The following UTRN variants were observed in gnomAD, a reference collection of about 807,000 sequenced individuals.
UTRN encodes utrophin.
In UTRN, 283 loss-of-function variants were observed where a neutral mutation model predicts 463.9. The observed-to-expected ratio is 0.61, with a 90% confidence interval of 0.55 to 0.67. The LOEUF (loss-of-function observed/expected upper bound fraction) is 0.67. Ranked by LOEUF, UTRN falls within the 30% of genes least tolerant of loss-of-function variation. UTRN has a pLI of 0.00. For missense variants in UTRN, 3,922 were observed against 4,084.3 expected (o/e 0.96, Z 1.08); for synonymous variants, 1,442 against 1,431.5 (o/e 1.01, Z -0.17).
intron 53 of UTRN, among the ~76,000 whole-genome samples, chr6:144,704,901 G>T (rs1784937012): frequency 6.6e-6 from 1 of 152,156 alleles, no homozygotes; most frequent in Admixed American, 6.5e-5. Flanking sequence ...GGCAGAGGTT[G>T]CAGTGAGCCA....
intron 2 of UTRN, among the ~76,000 whole-genome samples, chr6:144,396,639 ATG>A (rs1202044680): frequency 6.6e-6 from 1 of 152,188 alleles, no homozygotes; most frequent in Non-Finnish European, 1.5e-5. Context: ...GGTAAATTGT[ATG>A]GTAGGTGAGT....
intron 51 of UTRN, among the ~76,000 whole-genome samples, chr6:144,613,689 G>T (rs1218496715): frequency 6.6e-6 from 1 of 151,810 alleles, no homozygotes; most frequent in Non-Finnish European, 1.5e-5. Context: ...TGATTGTGGT[G>T]GTGGTCCCGC....
At chr6:144,596,971 G>T (rs183326395) in intron 51 of UTRN, among the ~76,000 whole-genome samples, 2 of 152,258 alleles carry the variant, frequency 1.3e-5, no homozygotes, top group Non-Finnish European at 2.9e-5. Context: ...AGGCACAGTG[G>T]CTCACACCTG....
At chr6:144,652,632 A>G (rs1353878765) in intron 51 of UTRN, among the ~76,000 whole-genome samples, 4 of 152,218 alleles carry the variant, frequency 2.6e-5, no homozygotes, top group Non-Finnish European at 5.9e-5. Flanking sequence ...GTATCACAGT[A>G]TTAGATGACA....
chr6:144,758,104 A>T (rs573092642), intron 58 of UTRN, 115 bp downstream of exon 58: 225 of 791,954 alleles, frequency 2.8e-4, no homozygotes, highest in Non-Finnish European at 4.0e-4. Context: ...ATTATCTGAA[A>T]GAAACTGTGA....
intron 51 of UTRN, among the ~76,000 whole-genome samples, chr6:144,641,798 CT>C (rs143724931): frequency 0.056 from 8,583 of 152,240 alleles, 342 homozygotes; most frequent in Non-Finnish European, 0.081. Flanking sequence ...GGAAAAAATA[CT>C]CAAGACCCGA....
intron 34 of UTRN, among the ~76,000 whole-genome samples, chr6:144,502,727 A>G (rs560801077): frequency 4.7e-4 from 71 of 152,276 alleles, no homozygotes; most frequent in African/African-American, 1.7e-3. Context: ...ATACGTGGGC[A>G]TGTCTTTAGA....
intron 48 of UTRN, among the ~76,000 whole-genome samples, chr6:144,553,504 A>G (rs944599471): frequency 1.3e-5 from 2 of 152,218 alleles, no homozygotes; most frequent in Non-Finnish European, 2.9e-5. Context: ...ATCTTTCAGC[A>G]GCGTGGTTTT....
intron 2 of UTRN, chr6:144,398,138 GT>G: frequency 4.1e-6 from 1 of 246,362 alleles, no homozygotes; most frequent in Non-Finnish European, 8.5e-6. Flanking sequence ...TCATCACCAC[GT>G]TTTCCCTGTT....
intron 56 of UTRN, among the ~76,000 whole-genome samples, chr6:144,753,495 T>C (rs554658777): frequency 6.6e-6 from 1 of 152,148 alleles, no homozygotes; most frequent in Admixed American, 6.5e-5. Context: ...GGTGTGCGTC[T>C]GTAGTCTTAG....
At chr6:144,354,428 T>C (rs1778376772) in intron 2 of UTRN, among the ~76,000 whole-genome samples, 1 of 152,214 alleles carries the variant, frequency 6.6e-6, no homozygotes. Context: ...TGGTTTTCTG[T>C]GCTGCAGCAT....
At chr6:144,682,949 A>G (rs572486120) in intron 52 of UTRN, among the ~76,000 whole-genome samples, 3 of 151,982 alleles carry the variant, frequency 2.0e-5, no homozygotes, top group African/African-American at 4.8e-5. Context: ...TCTCTACCCT[A>G]TGTTTTTCTC....
At chr6:144,513,414 G>A (rs1471457265) in intron 35 of UTRN, among the ~76,000 whole-genome samples, 1 of 152,092 alleles carries the variant, frequency 6.6e-6, no homozygotes, top group East Asian at 1.9e-4. Context: ...GCTGGGTATG[G>A]TGGTGCAAGC....
chr6:144,732,241 T>TATATATATATATATATAC lies in UTRN; in HGVS notation c.7939+1757_7939+1774dup, dbSNP rs1554359945. On this transcript the variant is annotated intron_variant, in intron 54 of 74. Transcript: ENST00000367545. ...ATATATATATATATATATATATACA[T>TATATATATATATATATAC]ATATATATATATATATACACACATA... Among the ~76,000 whole-genome samples the TATATATATATATATATAC allele has an allele frequency of 5.8e-3, 139 of 23,898 alleles. 1 individual carries two copies. The highest frequency in any genetic ancestry group is 0.044 in the Middle Eastern group (3 of 68). The allele number at this position is 23,898 out of a possible 152,430, so 15.7% of individuals were successfully genotyped here.
At chr6:144,594,551 A>T (rs560459878) in intron 51 of UTRN, among the ~76,000 whole-genome samples, 2 of 152,328 alleles carry the variant, frequency 1.3e-5, no homozygotes, top group East Asian at 3.9e-4. Flanking sequence ...CCTTAGATTT[A>T]AAAATTAGTA....
At chr6:144,332,154 G>A (rs1776379651) in intron 2 of UTRN, among the ~76,000 whole-genome samples, 1 of 152,194 alleles carries the variant, frequency 6.6e-6, no homozygotes, top group Non-Finnish European at 1.5e-5. Flanking sequence ...CCCACCTGAA[G>A]TAGATTTTGT....
At chr6:144,454,098 G>A (rs905469375) in intron 19 of UTRN, among the ~76,000 whole-genome samples, 6 of 152,196 alleles carry the variant, frequency 3.9e-5, no homozygotes, top group Admixed American at 2.0e-4. Context: ...ATATGGGGTC[G>A]GGGCTGGATA....
At chr6:144,410,871 G>T (rs1380409199) in intron 3 of UTRN, among the ~76,000 whole-genome samples, 3 of 151,924 alleles carry the variant, frequency 2.0e-5, no homozygotes, top group Non-Finnish European at 4.4e-5. Context: ...TGGGCATTTG[G>T]GCTGGTTCCA....
At chr6:144,836,765 T>G (rs1022597295) in intron 71 of UTRN, among the ~76,000 whole-genome samples, 7 of 152,266 alleles carry the variant, frequency 4.6e-5, no homozygotes, top group African/African-American at 1.4e-4. Flanking sequence ...TTTCCCAGTC[T>G]TCTTTAACAA....
Sources: allele counts gnomAD v4.1 joint callset (sites outside exome capture counted in the v4.1 genomes callset), GRCh38; gene constraint gnomAD v4.1.1; transcripts MANE v1.5; gene names NCBI Gene and HGNC (gene_info 2026-07-23, HGNC 2026-07-21).